Variants in FKTN observed in about 807,000 individuals in gnomAD.
FKTN encodes the protein fukutin, also known as ribitol-5-phosphate transferase FKTN.
In FKTN, 47 loss-of-function variants were observed where a neutral mutation model predicts 58.6. That is an observed-to-expected ratio of 0.80 (90% confidence interval 0.63 to 1.02). FKTN has a LOEUF of 1.02. Among genes scored for constraint, FKTN ranks in the 50% least tolerant of loss-of-function variants. FKTN has a pLI of 0.00. For synonymous variants in FKTN, 178 were observed against 191.9 expected (o/e 0.93, Z 0.60); for missense variants, 516 against 537.3 (o/e 0.96, Z 0.39).
rs147194425 is a variant in FKTN, at chr9:105,621,522, T to G, written c.1172+1461T>G. 4.5e-4 allele frequency among the ~76,000 whole-genome samples: 69 copies of G among 152,226 alleles called. No individual in the cohort carries two copies. The East Asian group carries it at 0.013, about 28-fold the overall frequency. Reference sequence around the variant, plus strand: ...AAAGGATGTGTATGAAAAGTTAACCTTTCTCCATCCTCTGCCCCTCATTTT... The same window carrying G: ...AAAGGATGTGTATGAAAAGTTAACCGTTCTCCATCCTCTGCCCCTCATTTT... On this transcript the variant is annotated intron_variant, in intron 10 of 10. Coordinates refer to ENST00000357998, the MANE Select transcript of FKTN (RefSeq NM_001079802.2).
intron 3 of FKTN, among the ~76,000 whole-genome samples, chr9:105,594,329 A>G (rs1461835964): frequency 6.6e-6 from 1 of 152,152 alleles, no homozygotes; most frequent in Non-Finnish European, 1.5e-5. Context: ...CCATAAGTTG[A>G]AAGATAGGAT....
At chr9:105,607,225 A>G (rs181703920) in intron 6 of FKTN, among the ~76,000 whole-genome samples, 3 of 152,190 alleles carry the variant, frequency 2.0e-5, no homozygotes, top group Admixed American at 6.5e-5. Context: ...CATAAGATAG[A>G]TTTGCAGATT....
chr9:105,574,752 A>T (rs562339720), intron 2 of FKTN, among the ~76,000 whole-genome samples, 193 bp from the exon 3 acceptor site: 2 of 151,952 alleles, frequency 1.3e-5, no homozygotes, highest in African/African-American at 4.8e-5. Flanking sequence ...TTACAGTTAT[A>T]AAAAAAAGTG....
rs182054917 is a variant in FKTN, at chr9:105,559,357, G to T, written c.-181+1192G>T. On this transcript the variant is annotated intron_variant, in intron 1 of 10. Transcript: ENST00000357998. ...GAGCTAGTTACTTTCTTCTGGACTG[G>T]GAGAGGACGATAGTTGACAGAGAAT... is the stretch of plus-strand genomic sequence containing the variant. Among the ~76,000 whole-genome samples the T allele has an allele frequency of 2.0e-4, 30 of 152,308 alleles. No individual in the cohort carries two copies. The East Asian group carries it at 5.4e-3, about 27-fold the overall frequency.
At chr9:105,629,934 A>G (rs10816286) in intron 10 of FKTN, among the ~76,000 whole-genome samples, 22,001 of 152,110 alleles carry the variant, frequency 0.14, 1,995 homozygotes, top group East Asian at 0.46. Context: ...TCAGCAAACT[A>G]TCGCAAGGAC....
chr9:105,640,204 C>G lies in FKTN; in HGVS notation c.*4940C>G, dbSNP rs886063339. 74 of 1,522,370 alleles carry G rather than the reference C, an allele frequency of 4.9e-5. No homozygotes were observed. The highest frequency in any genetic ancestry group is 6.3e-5 in the Non-Finnish European group (72 of 1,139,130). The allele number at this position is 1,522,370 out of a possible 1,614,324, so 94.3% of individuals were successfully genotyped here. ...AAACAGACTAATTCAATGGCAATAC[C>G]TTTTGTATAGGTCCTGTGCTTAAAG... is the stretch of plus-strand genomic sequence containing the variant. On this transcript the variant is annotated 3_prime_UTR_variant, in exon 11 of 11. Coordinates refer to ENST00000357998, the MANE Select transcript of FKTN (RefSeq NM_001079802.2).
intron 5 of FKTN, chr9:105,603,640 A>G (rs907997200): frequency 3.0e-4 from 46 of 153,130 alleles, no homozygotes; most frequent in Admixed American, 3.0e-3. Context: ...TTCTCATTCC[A>G]AGGAAGGGAT....
At chr9:105,603,103 A>T (rs1159907151) in intron 5 of FKTN, among the ~76,000 whole-genome samples, 2 of 152,184 alleles carry the variant, frequency 1.3e-5, no homozygotes, top group Non-Finnish European at 2.9e-5. Flanking sequence ...TCTCTTGTTG[A>T]TGGTTATAAG....
At chr9:105,596,532 A>G (rs1347903016) in intron 3 of FKTN, 66 bp from the exon 4 acceptor site, 7 of 973,916 alleles carry the variant, frequency 7.2e-6, no homozygotes, top group African/African-American at 4.8e-5. Flanking sequence ...TCTCATGCCT[A>G]ACTGAAATGT....
At chr9:105,592,592 A>T (rs566447297) in intron 3 of FKTN, among the ~76,000 whole-genome samples, 5 of 152,302 alleles carry the variant, frequency 3.3e-5, no homozygotes, top group Admixed American at 1.3e-4. Flanking sequence ...AGCCACGATC[A>T]TACCACTGCA....
chr9:105,625,960 GT>G (rs1198188731), intron 10 of FKTN, among the ~76,000 whole-genome samples: 1 of 151,874 alleles, frequency 6.6e-6, no homozygotes, highest in African/African-American at 2.4e-5. Flanking sequence ...AGTTTTACCT[GT>G]TTTTTTATTT....
In FKTN at chr9:105,638,232, T is replaced by C; in HGVS notation, c.*2968T>C. 1.0e-6 allele frequency: 1 copy of C among 985,394 alleles called. No individual in the cohort carries two copies. The highest frequency in any genetic ancestry group is 1.2e-6 in the Non-Finnish European group (1 of 829,904). 61.0% of individuals were successfully genotyped at this position (985,394 alleles called of 1,614,324 possible). A position where few individuals can be genotyped will look rare whatever the true frequency, so the allele number is the denominator to read the frequency against. On this transcript the variant is annotated 3_prime_UTR_variant, in exon 11 of 11. Transcript: ENST00000357998. ...GTATCTTTAACAGTGCTTGAGATGC[T>C]TAACAGAGAAGGCATCCAGTGCTTC...
At chr9:105,620,294 C>G (rs529020496) in intron 10 of FKTN, 68 of 460,550 alleles carry the variant, frequency 1.5e-4, no homozygotes, top group Non-Finnish European at 2.5e-4. Context: ...GTTGATGATA[C>G]AGCTGGTCTA....
In FKTN at chr9:105,579,128, A is replaced by T. The variant is rs546793566; in HGVS notation, c.105+3991A>T. 3.3e-4 allele frequency among the ~76,000 whole-genome samples: 50 copies of T among 152,062 alleles called. 1 individual carries two copies. The highest frequency in any genetic ancestry group is 2.9e-3 in the Admixed American group (45 of 15,266). On this transcript the variant is annotated intron_variant, in intron 3 of 10. Coordinates refer to ENST00000357998, the MANE Select transcript of FKTN (RefSeq NM_001079802.2). ...TTTCAAAAAACCAGCTCCTGGATTC[A>T]TTGATTTTTTGAATGGTTTTTTGTG...
At chr9:105,616,723 T>A (rs139991776) in intron 8 of FKTN, among the ~76,000 whole-genome samples, 5 of 152,320 alleles carry the variant, frequency 3.3e-5, no homozygotes, top group Non-Finnish European at 7.4e-5. Flanking sequence ...TCCAATTTAT[T>A]GTTCAATTCA....
intron 1 of FKTN, among the ~76,000 whole-genome samples, chr9:105,566,031 A>G (rs1839523805): frequency 6.6e-6 from 1 of 152,222 alleles, no homozygotes; most frequent in Non-Finnish European, 1.5e-5. Context: ...AAACTGAACA[A>G]CCTGCTCCTG....
chr9:105,633,559 C>T (rs576172886), intron 10 of FKTN: 9 of 152,282 alleles, frequency 5.9e-5, no homozygotes, highest in Non-Finnish European at 1.0e-4. Flanking sequence ...ATAAGCAATT[C>T]CGTTAACATG....
chr9:105,618,748 G>A (rs1038648855), intron 9 of FKTN, among the ~76,000 whole-genome samples: 1 of 152,060 alleles, frequency 6.6e-6, no homozygotes. Flanking sequence ...TTGTCCCCTC[G>A]GAGGTGTTAC....
intron 3 of FKTN, among the ~76,000 whole-genome samples, chr9:105,591,909 C>T (rs567101191): frequency 2.6e-4 from 39 of 152,380 alleles, no homozygotes; most frequent in Admixed American, 2.0e-3. Context: ...CTGCTTACAG[C>T]TTGCACCCTC....
Sources: allele counts gnomAD v4.1 joint callset (sites outside exome capture counted in the v4.1 genomes callset), GRCh38; gene constraint gnomAD v4.1.1; transcripts MANE v1.5; gene names NCBI Gene and HGNC (gene_info 2026-07-23, HGNC 2026-07-21).